CAB39L: variants seen among roughly 807,000 people sequenced by gnomAD.
CAB39L encodes the protein calcium-binding protein 39-like.
A neutral mutation model predicts 39.1 loss-of-function variants in CAB39L; 23 were observed. That is an observed-to-expected ratio of 0.59 (90% CI 0.42 to 0.83). CAB39L has a LOEUF of 0.83. Among genes scored for constraint, CAB39L ranks in the 40% least tolerant of loss-of-function variants. CAB39L has a pLI of 0.00. For synonymous variants in CAB39L, 126 were observed against 137.2 expected, an observed-to-expected ratio of 0.92 and a Z score of 0.57; for missense variants, 366 against 391.9, an observed-to-expected ratio of 0.93 and a Z score of 0.56.
intron 7 of CAB39L, among the ~76,000 whole-genome samples, chr13:49,346,120 T>TATATATATC (rs10663110): frequency 0.24 from 21,602 of 88,404 alleles, 4,563 homozygotes; most frequent in Middle Eastern, 0.36. Context: ...TATATATATA[T>TATATATATC]ATATCATGGA....
Position 49,315,532 on chromosome 13 carries a change from A to G in CAB39L, c.835-4539T>C, listed in dbSNP as rs76411942. Among the ~76,000 whole-genome samples, 439 of 152,212 alleles carry G rather than the reference A, an allele frequency of 2.9e-3. 9 individuals are homozygous for G. In the East Asian group the frequency reaches 0.047, roughly 16 times the overall value. On this transcript the variant is annotated intron_variant, in intron 10 of 10. Coordinates refer to ENST00000409308, the MANE Select transcript of CAB39L (RefSeq NM_001079670.3). ...ACAAAAACAAAATATATCAAAACTC[A>G]TAAGATGCACCAAAAGCAGTGCTCA...
At chr13:49,392,117 C>A (rs1231701735) in intron 3 of CAB39L, among the ~76,000 whole-genome samples, 2 of 152,028 alleles carry the variant, frequency 1.3e-5, no homozygotes, top group Non-Finnish European at 1.5e-5. Context: ...TACACACACA[C>A]ACACAAAGCA....
chr13:49,408,762 C>A (rs184086064), intron 3 of CAB39L, among the ~76,000 whole-genome samples: 1,811 of 152,100 alleles, frequency 0.012, 13 homozygotes, highest in Non-Finnish European at 0.02. Context: ...GCCCTGGAGG[C>A]AGAGGTTGCA....
At chr13:49,395,408 T>C (rs1449956206) in intron 3 of CAB39L, among the ~76,000 whole-genome samples, 18 of 152,022 alleles carry the variant, frequency 1.2e-4, no homozygotes, top group Admixed American at 1.2e-3. Flanking sequence ...GCTATTTTTG[T>C]ATTTTAGTAG....
At chr13:49,317,081 G>C (rs1370762411) in intron 10 of CAB39L, among the ~76,000 whole-genome samples, 1 of 152,048 alleles carries the variant, frequency 6.6e-6, no homozygotes, top group Non-Finnish European at 1.5e-5. Context: ...GTTTTCTGTT[G>C]TTTTAAGCCA....
Position 49,378,027 on chromosome 13 carries a change from T to C in CAB39L, c.112-896A>G, listed in dbSNP as rs371061739. 4.3e-3 allele frequency among the ~76,000 whole-genome samples: 274 copies of C among 63,166 alleles called. 30 individuals are homozygous for C. Among genetic ancestry groups the C allele is most frequent in the East Asian group, 0.025 (91 of 3,628 alleles). 41.4% of individuals were successfully genotyped at this position (63,166 alleles called of 152,430 possible). ...GCCGCCCCATCTGGGATGTGAGGAG[T>C]GCCTCTGCCCGGCCGAGACCCCGTC... On this transcript the variant is annotated intron_variant, in intron 4 of 10. Coordinates refer to ENST00000409308, the MANE Select transcript of CAB39L (RefSeq NM_001079670.3).
rs532642028 is a variant in CAB39L, at chr13:49,310,306, C to G, written c.*508G>C. On this transcript the variant is annotated 3_prime_UTR_variant, in exon 11 of 11. Transcript: ENST00000409308. Reference sequence around the variant, plus strand: ...CTGGATCCTGGGAGGTGTGGATGCACTGATTACAGTCCAAAGACATTGGCA... The same window carrying G: ...CTGGATCCTGGGAGGTGTGGATGCAGTGATTACAGTCCAAAGACATTGGCA... 201 of 153,774 alleles carry G rather than the reference C, an allele frequency of 1.3e-3. 9 individuals are homozygous for G. The South Asian group carries it at 0.04, about 30-fold the overall frequency. The allele number at this position is 153,774 out of a possible 1,614,324, so 9.5% of individuals were successfully genotyped here.
At chr13:49,402,880 T>C (rs992667772) in intron 3 of CAB39L, among the ~76,000 whole-genome samples, 2 of 152,170 alleles carry the variant, frequency 1.3e-5, no homozygotes, top group African/African-American at 4.8e-5. Flanking sequence ...TTTATAATTT[T>C]TAGAGTTTTA....
chr13:49,325,912 A>T (rs1341184159), intron 10 of CAB39L, among the ~76,000 whole-genome samples: 1 of 152,226 alleles, frequency 6.6e-6, no homozygotes, highest in African/African-American at 2.4e-5. Flanking sequence ...CCACACGGAA[A>T]CTATTCTCAT....
intron 2 of CAB39L, 116 bp downstream of exon 2, chr13:49,433,970 T>C (rs890068038): frequency 4.8e-5 from 16 of 335,838 alleles, no homozygotes; most frequent in South Asian, 2.4e-4. Context: ...CCACCACTTT[T>C]AGTTCGCACC....
chr13:49,384,800 C>T (rs1457049805), intron 3 of CAB39L, among the ~76,000 whole-genome samples: 1 of 152,124 alleles, frequency 6.6e-6, no homozygotes, highest in Non-Finnish European at 1.5e-5. Flanking sequence ...GTAATATTTT[C>T]AAAGGAATAT....
At chr13:49,381,911 G>A (rs894968805) in intron 4 of CAB39L, among the ~76,000 whole-genome samples, 4 of 152,270 alleles carry the variant, frequency 2.6e-5, no homozygotes, top group Middle Eastern at 3.4e-3. Context: ...GCATATCTTC[G>A]TATTTCACAG....
At chr13:49,400,838 C>A (rs1956754587) in intron 3 of CAB39L, among the ~76,000 whole-genome samples, 1 of 152,254 alleles carries the variant, frequency 6.6e-6, no homozygotes. Flanking sequence ...TGTACTGCCA[C>A]TATTTTATTT....
At chr13:49,376,223 T>C (rs1376738882) in intron 5 of CAB39L, among the ~76,000 whole-genome samples, 1 of 152,224 alleles carries the variant, frequency 6.6e-6, no homozygotes, top group Non-Finnish European at 1.5e-5. Flanking sequence ...ACCTACCTGA[T>C]ACGAACAAAA....
At chr13:49,351,300 G>C (rs1236428394) in intron 6 of CAB39L, among the ~76,000 whole-genome samples, 2 of 151,698 alleles carry the variant, frequency 1.3e-5, no homozygotes, top group African/African-American at 2.4e-5. Context: ...GTGTGTGTGA[G>C]TGACTACTTA....
At chr13:49,394,115 TA>T (rs1956551129) in intron 3 of CAB39L, among the ~76,000 whole-genome samples, 3 of 151,588 alleles carry the variant, frequency 2.0e-5, no homozygotes, top group African/African-American at 7.2e-5. Context: ...AGATAAATAA[TA>T]AAAAAAATTA....
intron 3 of CAB39L, among the ~76,000 whole-genome samples, chr13:49,388,948 C>T (rs1956429478): frequency 6.6e-6 from 1 of 152,172 alleles, no homozygotes; most frequent in Non-Finnish European, 1.5e-5. Context: ...CACATCACCT[C>T]ACCCCAACAA....
intron 3 of CAB39L, among the ~76,000 whole-genome samples, chr13:49,397,486 C>G (rs1326687473): frequency 6.6e-6 from 1 of 151,970 alleles, no homozygotes; most frequent in African/African-American, 2.4e-5. Flanking sequence ...GTTAATTACT[C>G]TTTATTTCTA....
intron 3 of CAB39L, among the ~76,000 whole-genome samples, chr13:49,427,036 T>C: frequency 6.6e-6 from 1 of 152,206 alleles, no homozygotes; most frequent in East Asian, 1.9e-4. Flanking sequence ...CAATCCTTTC[T>C]TTAGCATACT....
Sources: gnomAD v4.1 joint callset for allele counts (sites outside exome capture counted in the v4.1 genomes callset) on GRCh38, gnomAD v4.1.1 for gene constraint, MANE v1.5 for transcripts, NCBI Gene and HGNC (gene_info 2026-07-23, HGNC 2026-07-21) for gene names.